MEOX2: variants seen among roughly 807,000 people sequenced by gnomAD.
The protein encoded by MEOX2 is mesenchyme homeobox 2.
In MEOX2, 11 loss-of-function variants were observed where a neutral mutation model predicts 27.0. The ratio of observed to expected loss-of-function variants is 0.41; its 90% CI spans 0.26 to 0.68. The LOEUF (loss-of-function observed/expected upper bound fraction) is 0.68, where lower values mean the gene tolerates loss of function less well. Ranked by LOEUF, MEOX2 falls within the 30% of genes least tolerant of loss-of-function variation. MEOX2 has a pLI of 0.33. For missense variants in MEOX2, 436 were observed against 385.4 expected, an observed-to-expected ratio of 1.13 and a Z score of -1.10; for synonymous variants, 189 against 155.4, an observed-to-expected ratio of 1.22 and a Z score of -1.61.
At chr7:15,622,212 T>C (rs1781232462) in intron 2 of MEOX2, among the ~76,000 whole-genome samples, 1 of 152,194 alleles carries the variant, frequency 6.6e-6, no homozygotes, top group Non-Finnish European at 1.5e-5. Context: ...TAGATAGATA[T>C]ACATATAGTT....
chr7:15,666,806 ATT>A (rs1491262309), intron 1 of MEOX2, among the ~76,000 whole-genome samples: 7 of 133,044 alleles, frequency 5.3e-5, no homozygotes, highest in African/African-American at 1.7e-4. Context: ...ATATATATAT[ATT>A]CAAATGGTAA....
rs768507132 is a variant in MEOX2, at chr7:15,685,877, C to T, written c.517+9G>A. 1 of 1,577,238 alleles carries T rather than the reference C, an allele frequency of 6.3e-7. No individual in the cohort carries two copies. Among genetic ancestry groups the T allele is most frequent in the Admixed American group, 1.8e-5 (1 of 56,240 alleles). ...CGCGCACTCTCGAGGGTGCCTGGCGCGCCCTTACCTGAGCTGTCGCTTTTC... is the reference window on the plus strand; with the variant it reads ...CGCGCACTCTCGAGGGTGCCTGGCGTGCCCTTACCTGAGCTGTCGCTTTTC... On this transcript the variant is annotated intron_variant, in intron 1 of 2. Transcript: ENST00000262041.
At position 15,685,812 on chromosome 7, in the gene MEOX2, G is replaced by A. The variant is rs1223269403; in HGVS notation, c.517+74C>T. ...TCCCTGCTGCCACCCTCCAGTGCGA[G>A]AATCTCCCCTAGTATCTCTCCGCCC... On this transcript the variant is annotated intron_variant, in intron 1 of 2. Transcript: ENST00000262041. The A allele has an allele frequency of 6.6e-6, 10 of 1,504,390 alleles. No individual in the cohort carries two copies. The East Asian group carries it at 9.1e-5, about 14-fold the overall frequency. The allele number at this position is 1,504,390 out of a possible 1,614,324, so 93.2% of individuals were successfully genotyped here.
chr7:15,615,890 T>C (rs1199530793), intron 2 of MEOX2, among the ~76,000 whole-genome samples: 3 of 151,922 alleles, frequency 2.0e-5, no homozygotes, highest in African/African-American at 4.8e-5. Context: ...CACATATATT[T>C]CTTTTTCTAG....
intron 1 of MEOX2, among the ~76,000 whole-genome samples, chr7:15,662,813 T>C (rs1425067459): frequency 1.3e-5 from 2 of 152,178 alleles, no homozygotes; most frequent in African/African-American, 4.8e-5. Context: ...AAAAGATTCA[T>C]GACTGAATGC....
At chr7:15,624,826 A>G (rs1345781415) in intron 2 of MEOX2, among the ~76,000 whole-genome samples, 3 of 152,234 alleles carry the variant, frequency 2.0e-5, no homozygotes, top group Non-Finnish European at 2.9e-5. Context: ...ACAAAATGTT[A>G]AAAGAATCTT....
chr7:15,658,123 C>T (rs1781852827), intron 1 of MEOX2, among the ~76,000 whole-genome samples: 1 of 152,250 alleles, frequency 6.6e-6, no homozygotes, highest in Non-Finnish European at 1.5e-5. Flanking sequence ...CTGTGTGGTT[C>T]TGAAAGTAGA....
chr7:15,615,668 T>A (rs73298592), intron 2 of MEOX2, among the ~76,000 whole-genome samples: 2 of 151,998 alleles, frequency 1.3e-5, no homozygotes, highest in Non-Finnish European at 2.9e-5. Context: ...TGTGTGAATT[T>A]GAGAAAATTT....
At chr7:15,646,402 A>G (rs1377999213) in intron 1 of MEOX2, among the ~76,000 whole-genome samples, 1 of 152,018 alleles carries the variant, frequency 6.6e-6, no homozygotes, top group East Asian at 1.9e-4. Flanking sequence ...ACATAGCTAC[A>G]CAGCTACTTC....
chr7:15,627,029 G>C, intron 1 of MEOX2, 111 bp from the exon 2 acceptor site: 2 of 1,008,228 alleles, frequency 2.0e-6, no homozygotes, highest in Non-Finnish European at 2.9e-6. Flanking sequence ...GCTAGACATG[G>C]AACAAATAGA....
chr7:15,659,191 T>A (rs1781869798), intron 1 of MEOX2, among the ~76,000 whole-genome samples: 1 of 152,154 alleles, frequency 6.6e-6, no homozygotes, highest in Non-Finnish European at 1.5e-5. Flanking sequence ...ATTGTTTTTG[T>A]AGAGATGAAG....
chr7:15,616,039 C>T (rs1194583850), intron 2 of MEOX2, among the ~76,000 whole-genome samples: 10 of 151,462 alleles, frequency 6.6e-5, no homozygotes, highest in Non-Finnish European at 1.0e-4. Context: ...CTATGTCTAT[C>T]GTTGAAATTT....
rs1781037711 is a variant in MEOX2, at chr7:15,611,879, G to A, written c.*508C>T. 1 of 157,672 alleles carries A rather than the reference G, an allele frequency of 6.3e-6. No homozygotes were observed. The highest frequency in any genetic ancestry group is 1.4e-5 in the Non-Finnish European group (1 of 70,840). The allele number at this position is 157,672 out of a possible 1,614,324, so 9.8% of individuals were successfully genotyped here. On this transcript the variant is annotated 3_prime_UTR_variant, in exon 3 of 3. Transcript: ENST00000262041. Reference sequence around the variant, plus strand: ...AAATACACTTTTTATCCACTTGAGTGAATTCAGGCACTGTGGCTGTTCAGG... The same window carrying A: ...AAATACACTTTTTATCCACTTGAGTAAATTCAGGCACTGTGGCTGTTCAGG...
intron 1 of MEOX2, among the ~76,000 whole-genome samples, chr7:15,648,227 A>G (rs1279299168): frequency 3.3e-5 from 5 of 152,158 alleles, no homozygotes; most frequent in South Asian, 2.1e-4. Flanking sequence ...GCATGAATAA[A>G]TATTTACAGA....
At chr7:15,643,238 CA>C (rs1781591208) in intron 1 of MEOX2, among the ~76,000 whole-genome samples, 2 of 152,100 alleles carry the variant, frequency 1.3e-5, no homozygotes, top group South Asian at 4.1e-4. Context: ...CTTTGTTGAT[CA>C]AAGGAAGTAT....
intron 1 of MEOX2, among the ~76,000 whole-genome samples, chr7:15,669,438 T>C (rs1782062632): frequency 6.6e-6 from 1 of 152,270 alleles, no homozygotes; most frequent in Non-Finnish European, 1.5e-5. Context: ...AATTCTAACG[T>C]GAATATGTCC....
intron 1 of MEOX2, among the ~76,000 whole-genome samples, chr7:15,642,808 T>C (rs977717971): frequency 7.9e-5 from 12 of 152,190 alleles, no homozygotes; most frequent in African/African-American, 2.7e-4. Context: ...AACTATTGCA[T>C]ATGCTGGGTA....
rs148471101 is a variant in MEOX2 at position 15,636,249 on chromosome 7, G to A, written c.518-9331C>T. ...CTCTAATTATGAGTTTCTTCATATA[G>A]AGGGTTTGAGAAAAAAAATCCCTTA... On this transcript the variant is annotated intron_variant, in intron 1 of 2. Coordinates refer to ENST00000262041, the MANE Select transcript of MEOX2 (RefSeq NM_005924.5). 1.1e-3 allele frequency among the ~76,000 whole-genome samples: 165 copies of A among 151,976 alleles called. 1 individual carries two copies. Among genetic ancestry groups the A allele is most frequent in the African/African-American group, 3.7e-3 (155 of 41,490 alleles).
At chr7:15,657,959 A>G (rs1583774673) in intron 1 of MEOX2, among the ~76,000 whole-genome samples, 1 of 152,360 alleles carries the variant, frequency 6.6e-6, no homozygotes, top group African/African-American at 2.4e-5. Context: ...CTCAGTTTAC[A>G]TCAAAAGTGG....
Sources: allele counts gnomAD v4.1 joint callset (sites outside exome capture counted in the v4.1 genomes callset), GRCh38; gene constraint gnomAD v4.1.1; transcripts MANE v1.5; gene names NCBI Gene and HGNC (gene_info 2026-07-23, HGNC 2026-07-21).